SEMG2: variants seen among roughly 807,000 people sequenced by gnomAD.
SEMG2 encodes semenogelin 2, also known as semenogelin-2.
SEMG2 carries 3 observed loss-of-function variants against 8.1 expected under a neutral mutation model. The observed-to-expected ratio is 0.37, with a 90% CI of 0.17 to 0.96. The LOEUF (loss-of-function observed/expected upper bound fraction) is 0.96, where lower values mean the gene tolerates loss of function less well. SEMG2 is among the 40% of genes least tolerant of loss of function. SEMG2 has a pLI of 0.41. For synonymous variants in SEMG2, 252 were observed against 231.4 expected, an observed-to-expected ratio of 1.09 and a Z score of -0.81; for missense variants, 726 against 671.2, an observed-to-expected ratio of 1.08 and a Z score of -0.90.
rs1270996688 is a variant in SEMG2, at chr20:45,222,287, C to G, written c.655C>G (p.His219Asp). The change falls in exon 2 of 3, where the codon CAT becomes GAT. Residue 219 changes from histidine (H) to aspartate (D), a missense_variant. By Grantham distance (81) the His-to-Asp change is moderately conservative. Coordinates refer to ENST00000372769, the MANE Select transcript of SEMG2 (RefSeq NM_003008.3). ...ETKNSHQNKG[H>D]YQNVVDVREE... is the part of the protein sequence containing the mutation. ...TAAAAATTCTCATCAAAATAAAGGG[C>G]ATTACCAAAATGTGGTTGACGTGAG... 1 of 1,613,924 alleles carries G rather than the reference C, an allele frequency of 6.2e-7. No individual in the cohort carries two copies. Among genetic ancestry groups the G allele is most frequent in the Admixed American group, 1.7e-5 (1 of 59,984 alleles).
At position 45,222,431 on chromosome 20, in the gene SEMG2, C is replaced by T; in HGVS notation, c.799C>T (p.Gln267Ter). The T allele has an allele frequency of 1.9e-6, 3 of 1,614,028 alleles. No homozygotes were observed. Among genetic ancestry groups the T allele is most frequent in the Non-Finnish European group, 2.5e-6 (3 of 1,179,976 alleles). Residue 267 changes from glutamine (Q) to a stop codon, truncating the protein, a stop_gained, in exon 2 of 3, where the codon CAA (glutamine) becomes TAA (stop). Coordinates refer to ENST00000372769, the MANE Select transcript of SEMG2 (RefSeq NM_003008.3). LOFTEE classifies it low-confidence loss of function (END_TRUNC). ...QDELLVYNKN[Q>*]HQTKNLSQDQ... ...TGAGCTCCTAGTATATAACAAGAAT[C>T]AACACCAGACAAAAAATCTCAGTCA...
In SEMG2 at chr20:45,222,783, GC is replaced by G. The variant is rs756596553; in HGVS notation, c.1152del (p.Lys385SerfsTer6). On this transcript the variant is annotated frameshift_variant, in exon 2 of 3. Coordinates refer to ENST00000372769, the MANE Select transcript of SEMG2 (RefSeq NM_003008.3). LOFTEE classifies it low-confidence loss of function (END_TRUNC). ...ATCCAAACTGAAGAGCAAATACATG[GC>G]AAGTCTCAAAACCAGGTAAGAATTC... The part of the protein sequence containing the change: ...ISIQTEEQIH[G>X]KSQNQVRIPS... 11 of 1,613,950 alleles carry G rather than the reference GC, an allele frequency of 6.8e-6. No homozygotes were observed. The highest frequency in any genetic ancestry group is 1.3e-5 in the African/African-American group (1 of 74,894).
chr20:45,223,217 C>T lies in SEMG2; in HGVS notation c.1585C>T (p.Gln529Ter), dbSNP rs1192431110. 1 of 1,613,980 alleles carries T rather than the reference C, an allele frequency of 6.2e-7. No homozygotes were observed. The highest frequency in any genetic ancestry group is 8.5e-7 in the Non-Finnish European group (1 of 1,180,018). The change falls in exon 2 of 3, where the codon CAA (glutamine) becomes TAA (stop). Residue 529 changes from glutamine to a stop codon, truncating the protein, a stop_gained. Transcript: ENST00000372769. LOFTEE classifies it low-confidence loss of function (END_TRUNC). The stretch of plus-strand genomic sequence containing the variant: ...CCAAAATGCAAAAGGAAAGTCTGGT[C>T]AATCTGCAGATAGCAAACAAGACCT... ...SGQNAKGKSG[Q>*]SADSKQDLLS...
At position 45,221,754 on chromosome 20, in the gene SEMG2, A is replaced by C. The variant is rs759739206; in HGVS notation, c.122A>C (p.His41Pro). 65 of 1,610,668 alleles carry C rather than the reference A, an allele frequency of 4.0e-5. No individual in the cohort carries two copies. The highest frequency in any genetic ancestry group is 5.5e-5 in the Non-Finnish European group (65 of 1,179,242). ...QLPSGSSQFPHGQKGQHYFGQ... is the reference protein window; with the variant it reads ...QLPSGSSQFPPGQKGQHYFGQ... Reference sequence around the variant, plus strand: ...CCAAGCGGATCTTCCCAATTTCCACATGGACAAAAGGGCCAGCACTATTTT... The same window carrying C: ...CCAAGCGGATCTTCCCAATTTCCACCTGGACAAAAGGGCCAGCACTATTTT... The change falls in exon 2 of 3, where the codon CAT becomes CCT. Residue 41 changes from histidine to proline, a missense_variant. Coordinates refer to ENST00000372769, the MANE Select transcript of SEMG2 (RefSeq NM_003008.3).
rs887294084 is a variant in SEMG2 at position 45,221,541 on chromosome 20, T to C, written c.76+76T>C. 1.7e-5 allele frequency: 26 copies of C among 1,528,404 alleles called. 1 individual carries two copies. The Admixed American group carries it at 4.2e-4, about 25-fold the overall frequency. The allele number at this position is 1,528,404 out of a possible 1,614,324, so 94.7% of individuals were successfully genotyped here. ...CTAAGGATATTCAGGGTGCAAACAG[T>C]AACCTGTTCAGGCACAGATTCTTCT... is the stretch of plus-strand genomic sequence containing the variant. On this transcript the variant is annotated intron_variant, in intron 1 of 2. Transcript: ENST00000372769.
At position 45,222,640 on chromosome 20, in the gene SEMG2, T is replaced by C. The variant is rs199506790; in HGVS notation, c.1008T>C (p.Asp336=). The C allele has an allele frequency of 2.5e-6, 4 of 1,613,646 alleles. No homozygotes were observed. The highest frequency in any genetic ancestry group is 2.7e-5 in the African/African-American group (2 of 74,852). The change falls in exon 2 of 3, where the codon GAT becomes GAC. Residue 336 remains aspartate, a synonymous_variant. Coordinates refer to ENST00000372769, the MANE Select transcript of SEMG2 (RefSeq NM_003008.3). ...ACCAGGTAACAATTCATAGTCAAGATCAAGAGCATGGCCATAAGGAAAATA... is the reference window on the plus strand; with the variant it reads ...ACCAGGTAACAATTCATAGTCAAGACCAAGAGCATGGCCATAAGGAAAATA... ...SQNQVTIHSQ[D]QEHGHKENKI... is the part of the protein sequence containing the mutation.
In SEMG2 at chr20:45,223,333, T is replaced by A. The variant is rs1044733005; in HGVS notation, c.1701T>A (p.Asp567Glu). ...VITEHEVAQD[D>E]HLTQQYNEDR... ...CTGAGCATGAGGTTGCCCAAGATGA[T>A]CATTTGACACAACAATATAATGAAG... is the stretch of plus-strand genomic sequence containing the variant. The change falls in exon 2 of 3, where the codon GAT becomes GAA. Residue 567 changes from aspartate (D) to glutamate (E), a missense_variant. Asp to Glu is a conservative substitution (Grantham distance 45). Transcript: ENST00000372769. The A allele has an allele frequency of 6.2e-7, 1 of 1,613,914 alleles. No individual in the cohort carries two copies.
At position 45,223,153 on chromosome 20, in the gene SEMG2, A is replaced by G. The variant is rs149375638; in HGVS notation, c.1521A>G (p.Gln507=). The stretch of plus-strand genomic sequence containing the variant: ...AAAAGCTAGTAGAAGGCAAGTCTCA[A>G]ATCCAGACACCAAATCCTAATCAAG... ...QIEKLVEGKS[Q]IQTPNPNQDQ... The change falls in exon 2 of 3, where the codon CAA becomes CAG. Residue 507 remains glutamine, a synonymous_variant. Coordinates refer to ENST00000372769, the MANE Select transcript of SEMG2 (RefSeq NM_003008.3). 524 of 1,614,084 alleles carry G rather than the reference A, an allele frequency of 3.2e-4. No homozygotes were observed. Among genetic ancestry groups the G allele is most frequent in the Middle Eastern group, 1.6e-3 (10 of 6,062 alleles).
At position 45,223,126 on chromosome 20, in the gene SEMG2, T is replaced by G. The variant is rs200264083; in HGVS notation, c.1494T>G (p.Ile498Met). 4,122 of 1,614,004 alleles carry G rather than the reference T, an allele frequency of 2.6e-3. 120 individuals carry two copies. In the South Asian group the frequency reaches 0.043, roughly 17 times the overall value. Reference sequence around the variant, plus strand: ...CCCAAAGCAGTATTTCTTTCCAAATTGAAAAGCTAGTAGAAGGCAAGTCTC... The same window carrying G: ...CCCAAAGCAGTATTTCTTTCCAAATGGAAAAGCTAGTAGAAGGCAAGTCTC... Reference protein sequence around the residue: ...DVSQSSISFQIEKLVEGKSQI... With the variant: ...DVSQSSISFQMEKLVEGKSQI... Residue 498 changes from isoleucine to methionine, a missense_variant, in exon 2 of 3, where the codon ATT becomes ATG. Transcript: ENST00000372769.
rs146508442 is a variant in SEMG2 at position 45,223,253 on chromosome 20, G to A, written c.1621G>A (p.Glu541Lys). 7.0e-5 allele frequency: 113 copies of A among 1,614,094 alleles called. 1 individual carries two copies. The African/African-American group carries it at 1.4e-3, about 20-fold the overall frequency. ...ADSKQDLLSH[E>K]QKGRYKQESS... is the part of the protein sequence containing the mutation. ...TAGCAAACAAGACCTACTCAGTCAT[G>A]AACAAAAAGGCAGATACAAACAGGA... The change falls in exon 2 of 3, where the codon GAA (glutamate) becomes AAA (lysine). Residue 541 changes from glutamate (E) to lysine (K), a missense_variant. Transcript: ENST00000372769.
Position 45,223,096 on chromosome 20 carries a change from T to G in SEMG2, c.1464T>G (p.Asp488Glu), listed in dbSNP as rs143954565. The change falls in exon 2 of 3, where the codon GAT becomes GAG. Residue 488 changes from aspartate (D) to glutamate (E), a missense_variant. By Grantham distance (45) the Asp-to-Glu change is conservative (BLOSUM62 2). Coordinates refer to ENST00000372769, the MANE Select transcript of SEMG2 (RefSeq NM_003008.3). ...LNYGGKSTQK[D>E]VSQSSISFQI... is the part of the protein sequence containing the mutation. ...ATGGAGGAAAGAGCACGCAGAAAGATGTATCCCAAAGCAGTATTTCTTTCC... is the reference window on the plus strand; with the variant it reads ...ATGGAGGAAAGAGCACGCAGAAAGAGGTATCCCAAAGCAGTATTTCTTTCC... 194 of 1,614,164 alleles carry G rather than the reference T, an allele frequency of 1.2e-4. 1 individual carries two copies. The Middle Eastern group carries it at 7.1e-3, about 59-fold the overall frequency.
At chr20:45,223,480 T>C (rs1984075265) in intron 2 of SEMG2, 55 bp downstream of exon 2, 1 of 731,460 alleles carries the variant, frequency 1.4e-6, no homozygotes, top group Non-Finnish European at 2.3e-6. Context: ...AGTTGGGGAC[T>C]CTCCAGGAAC....
At position 45,222,349 on chromosome 20, in the gene SEMG2, T is replaced by C. The variant is rs770553792; in HGVS notation, c.717T>C (p.His239=). The C allele has an allele frequency of 6.8e-6, 11 of 1,613,984 alleles. No homozygotes were observed. In the Admixed American group the frequency reaches 1.7e-4, roughly 24 times the overall value. ...EHSSKLQTSL[H]PAHQDRLQHG... is the part of the protein sequence containing the mutation. ...CAAGTAAACTACAAACTTCACTCCA[T>C]CCTGCACATCAAGACAGACTCCAAC... Residue 239 remains histidine, a synonymous_variant, in exon 2 of 3, where the codon CAT becomes CAC. Transcript: ENST00000372769.
rs1389069339 is a variant in SEMG2, at chr20:45,223,331, G to A, written c.1699G>A (p.Asp567Asn). 6.2e-7 allele frequency: 1 copy of A among 1,613,940 alleles called. No individual in the cohort carries two copies. The highest frequency in any genetic ancestry group is 1.7e-5 in the Admixed American group (1 of 60,010). Residue 567 changes from aspartate (D) to asparagine (N), a missense_variant, in exon 2 of 3, where the codon GAT (aspartate) becomes AAT (asparagine). Transcript: ENST00000372769. ...VITEHEVAQD[D>N]HLTQQYNEDR... ...TACTGAGCATGAGGTTGCCCAAGATGATCATTTGACACAACAATATAATGA... is the reference window on the plus strand; with the variant it reads ...TACTGAGCATGAGGTTGCCCAAGATAATCATTTGACACAACAATATAATGA...
In SEMG2 at chr20:45,223,364, A is replaced by T. The variant is rs1220383651; in HGVS notation, c.1732A>T (p.Asn578Tyr). 6.2e-7 allele frequency: 1 copy of T among 1,611,762 alleles called. No individual in the cohort carries two copies. Among genetic ancestry groups the T allele is most frequent in the South Asian group, 1.1e-5 (1 of 90,768 alleles). ...HLTQQYNEDR[N>Y]PIST ...GACACAACAATATAATGAAGACAGA[A>T]ATCCAATATCTACATAGCCCTGTTG... Residue 578 changes from asparagine to tyrosine, a missense_variant, in exon 2 of 3, where the codon AAT becomes TAT. Asn to Tyr is a moderately radical substitution (Grantham distance 143). Coordinates refer to ENST00000372769, the MANE Select transcript of SEMG2 (RefSeq NM_003008.3).
At position 45,224,341 on chromosome 20, in the gene SEMG2, C is replaced by T. The variant is rs1161329564; in HGVS notation, c.*95C>T. 6.6e-6 allele frequency: 1 copy of T among 152,232 alleles called. No individual in the cohort carries two copies. Among genetic ancestry groups the T allele is most frequent in the Admixed American group, 6.5e-5 (1 of 15,276 alleles). 9.4% of individuals were successfully genotyped at this position (152,232 alleles called of 1,614,324 possible). A position where few individuals can be genotyped will look rare whatever the true frequency, so the allele number is the denominator to read the frequency against. On this transcript the variant is annotated 3_prime_UTR_variant, in exon 3 of 3. Coordinates refer to ENST00000372769, the MANE Select transcript of SEMG2 (RefSeq NM_003008.3). ...TTGATGTTTCTGAGAGGCAGACTCC[C>T]ATGTGGTCCCAGATCCTTGGTCCAT... is the stretch of plus-strand genomic sequence containing the variant.
intron 2 of SEMG2, 26 bp downstream of exon 2, chr20:45,223,451 G>A: frequency 9.0e-7 from 1 of 1,110,064 alleles, no homozygotes; most frequent in Non-Finnish European, 1.3e-6. Flanking sequence ...TTACCAAATA[G>A]GAGAGGTGCC....
Position 45,223,052 on chromosome 20 carries a change from G to A in SEMG2, c.1420G>A (p.Glu474Lys). ...AATGTCATACCAATCTTCAAGTACA[G>A]AAGAAAGACGACTCAACTATGGAGG... ...NKMSYQSSST[E>K]ERRLNYGGKS... The change falls in exon 2 of 3, where the codon GAA becomes AAA. Residue 474 changes from glutamate to lysine, a missense_variant. Transcript: ENST00000372769. The A allele has an allele frequency of 6.2e-7, 1 of 1,614,156 alleles. No individual in the cohort carries two copies. Among genetic ancestry groups the A allele is most frequent in the Non-Finnish European group, 8.5e-7 (1 of 1,180,002 alleles).
chr20:45,222,984 C>T lies in SEMG2; in HGVS notation c.1352C>T (p.Thr451Ile). ...CATGGCAAGTCTCAAAACCAGGTAA[C>T]AATTCCTAGTCAAGATCAAGAGCAT... ...KIHGKSQNQV[T>I]IPSQDQEHGH... Residue 451 changes from threonine to isoleucine, a missense_variant, in exon 2 of 3, where the codon ACA becomes ATA. Coordinates refer to ENST00000372769, the MANE Select transcript of SEMG2 (RefSeq NM_003008.3). The T allele has an allele frequency of 6.2e-7, 1 of 1,613,658 alleles. No individual in the cohort carries two copies. Among genetic ancestry groups the T allele is most frequent in the Non-Finnish European group, 8.5e-7 (1 of 1,179,894 alleles).
Sources: gnomAD v4.1 joint callset for allele counts on GRCh38, gnomAD v4.1.1 for gene constraint, MANE v1.5 for transcripts, NCBI Gene and HGNC (gene_info 2026-07-23, HGNC 2026-07-21) for gene names.